APBA2: variants seen among roughly 807,000 people sequenced by gnomAD.
APBA2 encodes the protein amyloid beta precursor protein binding family A member 2.
Under a neutral mutation model 75.0 loss-of-function variants are expected in APBA2, and 30 were observed. That is an observed-to-expected ratio of 0.40 (90% CI 0.30 to 0.54). APBA2 has a LOEUF of 0.54. Ranked by LOEUF, APBA2 falls within the 20% of genes least tolerant of loss-of-function variation. The pLI is 0.49. For missense variants in APBA2, 801 were observed against 1,016.1 expected (o/e 0.79, Z 2.88); for synonymous variants, 444 against 409.6 (o/e 1.08, Z -1.01).
At chr15:28,934,972 CA>C (rs2034774824) in intron 2 of APBA2, among the ~76,000 whole-genome samples, 1 of 152,176 alleles carries the variant, frequency 6.6e-6, no homozygotes, top group Non-Finnish European at 1.5e-5. Context: ...GAAATGAGGG[CA>C]GGGGTTCTCA....
chr15:29,094,557 T>C (rs1176185400), intron 8 of APBA2, among the ~76,000 whole-genome samples: 3 of 152,262 alleles, frequency 2.0e-5, no homozygotes, highest in African/African-American at 7.2e-5. Flanking sequence ...CTGTGTACTG[T>C]ATGGATAATG....
chr15:28,942,477 G>A (rs1480939402), intron 2 of APBA2, among the ~76,000 whole-genome samples: 1 of 152,158 alleles, frequency 6.6e-6, no homozygotes, highest in Non-Finnish European at 1.5e-5. Context: ...GGCCTTTTCT[G>A]TGAGGGGCGA....
At chr15:28,967,919 A>C (rs1165260977) in intron 2 of APBA2, among the ~76,000 whole-genome samples, 1 of 152,144 alleles carries the variant, frequency 6.6e-6, no homozygotes, top group Non-Finnish European at 1.5e-5. Context: ...CCCAAAATTT[A>C]ACCTCTGCAC....
intron 3 of APBA2, among the ~76,000 whole-genome samples, chr15:29,051,591 T>G (rs934879722): frequency 2.6e-5 from 4 of 152,178 alleles, no homozygotes; most frequent in African/African-American, 9.7e-5. Context: ...ATGAAATAAT[T>G]ATCTCCTTCT....
At chr15:28,998,028 G>A (rs923391240) in intron 3 of APBA2, among the ~76,000 whole-genome samples, 4 of 152,202 alleles carry the variant, frequency 2.6e-5, no homozygotes, top group Admixed American at 6.5e-5. Context: ...GAGGAGATCT[G>A]TAAAGAGAAG....
intron 3 of APBA2, among the ~76,000 whole-genome samples, chr15:29,038,809 G>C (rs976855619): frequency 6.6e-6 from 1 of 151,784 alleles, no homozygotes; most frequent in African/African-American, 2.4e-5. Flanking sequence ...GAGTAGCTGG[G>C]ATTACAGGTG....
At chr15:28,920,979 A>C (rs2033944512) in intron 1 of APBA2, among the ~76,000 whole-genome samples, 1 of 152,132 alleles carries the variant, frequency 6.6e-6, no homozygotes, top group Non-Finnish European at 1.5e-5. Context: ...CTGAGCGCTG[A>C]TGGCCACCTG....
chr15:29,093,448 T>G (rs143132607), intron 7 of APBA2, among the ~76,000 whole-genome samples: 2 of 152,350 alleles, frequency 1.3e-5, no homozygotes, highest in African/African-American at 4.8e-5. Flanking sequence ...GCCCACGGAA[T>G]CCCAGAAATA....
intron 13 of APBA2, among the ~76,000 whole-genome samples, chr15:29,112,731 C>T (rs1244486822): frequency 6.6e-6 from 1 of 152,176 alleles, no homozygotes; most frequent in Non-Finnish European, 1.5e-5. Flanking sequence ...AGCATCATAG[C>T]CATTTTGAAG....
chr15:29,001,745 C>T (rs757553742), intron 3 of APBA2, among the ~76,000 whole-genome samples: 1 of 152,204 alleles, frequency 6.6e-6, no homozygotes, highest in Non-Finnish European at 1.5e-5. Context: ...CCTGCTCTGA[C>T]ACCCAGTTCT....
rs757115244 is a variant in APBA2 at position 29,106,842 on chromosome 15, C to T, written c.1917+23C>T. On this transcript the variant is annotated intron_variant, in intron 12 of 14. Transcript: ENST00000683413. ...AAGGTAGGCACCCTGGGATCCTCCG[C>T]CCAGGGGTCACCTCAACCCTGCCTC... The T allele has an allele frequency of 6.8e-6, 11 of 1,606,226 alleles. No homozygotes were observed. In the African/African-American group the frequency reaches 1.5e-4, roughly 21 times the overall value.
intron 3 of APBA2, among the ~76,000 whole-genome samples, chr15:29,020,057 A>T (rs1464845418): frequency 6.6e-6 from 1 of 152,220 alleles, no homozygotes; most frequent in African/African-American, 2.4e-5. Flanking sequence ...GTTTACTGGC[A>T]CATGTATTTT....
intron 3 of APBA2, among the ~76,000 whole-genome samples, chr15:29,031,283 A>G (rs1199935520): frequency 3.3e-5 from 5 of 152,236 alleles, no homozygotes; most frequent in Non-Finnish European, 5.9e-5. Flanking sequence ...CTGCGGTAAC[A>G]AAACACAGAC....
intron 2 of APBA2, among the ~76,000 whole-genome samples, chr15:28,932,825 A>T (rs66954573): frequency 0.32 from 48,048 of 152,112 alleles, 12,634 homozygotes; most frequent in African/African-American, 0.7. Flanking sequence ...GGAGGGAGAC[A>T]TTGGAATTCA....
chr15:29,100,533 C>T (rs2044067087), intron 9 of APBA2, among the ~76,000 whole-genome samples: 1 of 152,210 alleles, frequency 6.6e-6, no homozygotes, highest in South Asian at 2.1e-4. Flanking sequence ...AAGATGCTGG[C>T]TGGAGATTCC....
At chr15:29,067,844 C>A (rs1416576199) in intron 4 of APBA2, among the ~76,000 whole-genome samples, 1 of 152,128 alleles carries the variant, frequency 6.6e-6, no homozygotes, top group African/African-American at 2.4e-5. Flanking sequence ...GTTTTAATGT[C>A]TGTAGCCTTA....
chr15:29,047,882 A>G (rs1166133206), intron 3 of APBA2, among the ~76,000 whole-genome samples: 1 of 152,224 alleles, frequency 6.6e-6, no homozygotes, highest in Non-Finnish European at 1.5e-5. Flanking sequence ...TATATAAGGA[A>G]GAGATCTATT....
At chr15:29,002,661 A>G (rs534375920) in intron 3 of APBA2, among the ~76,000 whole-genome samples, 5 of 152,158 alleles carry the variant, frequency 3.3e-5, no homozygotes, top group South Asian at 2.1e-4. Context: ...ATTTGTATTC[A>G]TTGTTCATCT....
intron 2 of APBA2, among the ~76,000 whole-genome samples, chr15:28,973,466 T>A (rs568623980): frequency 6.6e-6 from 1 of 152,328 alleles, no homozygotes; most frequent in Non-Finnish European, 1.5e-5. Flanking sequence ...TATTACTGGT[T>A]ATTATGTGAT....
Sources: gnomAD v4.1 joint callset for allele counts (sites outside exome capture counted in the v4.1 genomes callset) on GRCh38, gnomAD v4.1.1 for gene constraint, MANE v1.5 for transcripts, NCBI Gene and HGNC (gene_info 2026-07-23, HGNC 2026-07-21) for gene names.